SH3YL1: variants seen among roughly 807,000 people sequenced by gnomAD.
The protein encoded by SH3YL1 is SH3 domain-containing YSC84-like protein 1.
Under a neutral mutation model 45.8 loss-of-function variants are expected in SH3YL1, and 41 were observed. That is an observed-to-expected ratio of 0.89 (90% CI 0.70 to 1.16). The LOEUF is 1.16. SH3YL1 is among the 50% of genes most tolerant of loss of function. SH3YL1 has a pLI of 0.00. For missense variants in SH3YL1, 389 were observed against 409.6 expected (o/e 0.95, Z 0.43); for synonymous variants, 152 against 151.4 (o/e 1.00, Z -0.03).
intron 1 of SH3YL1, among the ~76,000 whole-genome samples, chr2:255,341 C>T (rs1389033009): frequency 6.6e-6 from 1 of 152,152 alleles, no homozygotes; most frequent in Admixed American, 6.5e-5. Flanking sequence ...GCTGGGTACT[C>T]CCAGCACTTT....
intron 5 of SH3YL1, 52 bp from the exon 6 acceptor site, chr2:233,281 G>A: frequency 6.9e-7 from 1 of 1,455,226 alleles, no homozygotes; most frequent in African/African-American, 1.4e-5. Context: ...TCCAAGCCGA[G>A]GATCACTATT....
In SH3YL1 at chr2:249,800, T is replaced by C. The variant is rs1378403090; in HGVS notation, c.157A>G (p.Ile53Val). 3.2e-6 allele frequency: 5 copies of C among 1,552,080 alleles called. No homozygotes were observed. The South Asian group carries it at 5.9e-5, about 18-fold the overall frequency. ...GCAGTCACCAGGAACCCGGCTTTGA[T>C]CACAGACAGAATTGCAAGGCCTTTA... The part of the protein sequence containing the change: ...KAKGLAILSV[I>V]KAGFLVTARG... Residue 53 changes from isoleucine (I) to valine (V), a missense_variant, in exon 3 of 10, where the codon ATC becomes GTC. Ile to Val is a conservative substitution (Grantham distance 29). Transcript: ENST00000356150.
At chr2:231,218 A>G (rs531907509) in intron 6 of SH3YL1, 27 bp from the exon 7 acceptor site, 4 of 1,507,512 alleles carry the variant, frequency 2.7e-6, no homozygotes, top group Non-Finnish European at 3.6e-6. Flanking sequence ...AATTAAAAAC[A>G]TTTTAATATA....
upstream of SH3YL1, chr2:264,088 G>A (rs1382449123): frequency 2.2e-6 from 3 of 1,338,860 alleles, no homozygotes; most frequent in Non-Finnish European, 2.9e-6. Context: ...GCGTACCTGC[G>A]GCAGGTGACG....
At chr2:228,970 G>A (rs1352338957) in intron 8 of SH3YL1, among the ~76,000 whole-genome samples, 2 of 152,206 alleles carry the variant, frequency 1.3e-5, no homozygotes, top group African/African-American at 2.4e-5. Context: ...CAGCAGTTAT[G>A]TTTCTACATG....
intron 1 of SH3YL1, chr2:263,586 C>T (rs1247038128): frequency 1.1e-5 from 2 of 187,952 alleles, no homozygotes; most frequent in African/African-American, 4.7e-5. Context: ...CTAGCCAAGG[C>T]CTCCTCCCCG....
chr2:221,429 G>C (rs1181056353), intron 9 of SH3YL1, among the ~76,000 whole-genome samples: 4 of 151,982 alleles, frequency 2.6e-5, no homozygotes, highest in Non-Finnish European at 5.9e-5. Flanking sequence ...AATATATTAT[G>C]AACTAAGAAA....
Position 218,986 on chromosome 2 carries a change from G to C in SH3YL1, c.854C>G (p.Pro285Arg). Reference sequence around the variant, plus strand: ...TGAATACAGCGCTGTCACTTCTATGGGTTGATTCAAATTGCCTGAAACAAG... The same window carrying C: ...TGAATACAGCGCTGTCACTTCTATGCGTTGATTCAAATTGCCTGAAACAAG... The part of the protein sequence containing the change: ...YHERVGNLNQ[P>R]IEVTALYSFE... Residue 285 changes from proline (P) to arginine (R), a missense_variant, in exon 10 of 10, where the codon CCC becomes CGC. Coordinates refer to ENST00000356150, the MANE Select transcript of SH3YL1 (RefSeq NM_015677.4). 1 of 1,606,314 alleles carries C rather than the reference G, an allele frequency of 6.2e-7. No homozygotes were observed. Among genetic ancestry groups the C allele is most frequent in the Non-Finnish European group, 8.5e-7 (1 of 1,176,920 alleles).
intron 9 of SH3YL1, among the ~76,000 whole-genome samples, chr2:223,719 C>T (rs1472568240): frequency 2.0e-5 from 3 of 152,132 alleles, no homozygotes; most frequent in South Asian, 2.1e-4. Flanking sequence ...AAGGGTGAAA[C>T]ACATTTTTAA....
At chr2:244,377 T>C (rs1198138896) in intron 4 of SH3YL1, among the ~76,000 whole-genome samples, 2 of 152,042 alleles carry the variant, frequency 1.3e-5, no homozygotes, top group African/African-American at 2.4e-5. Context: ...GCGCCTGTAG[T>C]CCCAGCTACT....
Position 248,932 on chromosome 2 carries a change from G to A in SH3YL1, c.226+799C>T, listed in dbSNP as rs189015712. ...CTGCGGGGATACCTTGGTAAGAAAT[G>A]GTGAATCTGCTGACTGCTATTTCAA... On this transcript the variant is annotated intron_variant, in intron 3 of 9. Transcript: ENST00000356150. 8.5e-5 allele frequency among the ~76,000 whole-genome samples: 13 copies of A among 152,236 alleles called. 1 individual carries two copies. In the East Asian group the frequency reaches 1.5e-3, roughly 18 times the overall value.
At chr2:241,794 G>C (rs553121737) in intron 4 of SH3YL1, 2 of 152,096 alleles carry the variant, frequency 1.3e-5, no homozygotes, top group East Asian at 1.9e-4. Flanking sequence ...ATCAGCAAAA[G>C]TATATTTCAA....
intron 4 of SH3YL1, chr2:240,395 G>C (rs1255385462): frequency 1.3e-5 from 2 of 152,248 alleles, no homozygotes; most frequent in Non-Finnish European, 2.9e-5. Context: ...TCTCCCCAAG[G>C]GAAGTGAAAG....
intron 4 of SH3YL1, among the ~76,000 whole-genome samples, chr2:242,404 C>T (rs1668582703): frequency 6.6e-6 from 1 of 151,690 alleles, no homozygotes. Flanking sequence ...AAACTAGAAC[C>T]ATATGAGAGT....
intron 4 of SH3YL1, among the ~76,000 whole-genome samples, chr2:238,575 G>A (rs911136481): frequency 1.3e-5 from 2 of 151,858 alleles, no homozygotes; most frequent in Admixed American, 6.6e-5. Flanking sequence ...AAGCCAGACT[G>A]CTCTGGCTTG....
intron 1 of SH3YL1, chr2:255,737 T>C (rs1461434782): frequency 6.6e-6 from 1 of 152,108 alleles, no homozygotes. Flanking sequence ...AGGAAAAAAA[T>C]CCATCCCAAG....
chr2:229,879 G>C, intron 8 of SH3YL1, 87 bp downstream of exon 8: 2 of 1,100,754 alleles, frequency 1.8e-6, no homozygotes, highest in Non-Finnish European at 2.7e-6. Flanking sequence ...TAACTCTAAA[G>C]TTTAACAATG....
chr2:230,076 T>C (rs779820541), intron 7 of SH3YL1, 32 bp from the exon 8 acceptor site: 1 of 1,531,942 alleles, frequency 6.5e-7, no homozygotes, highest in South Asian at 1.2e-5. Context: ...ATACACATAA[T>C]TTTAAAATCT....
rs561960099 is a variant in SH3YL1 at position 251,839 on chromosome 2, A to G, written c.112+1166T>C. ...GATTAAGATTATTAAAACAACAACA[A>G]ATTTTTAAAGCATTAAAGTTCTATT... On this transcript the variant is annotated intron_variant, in intron 2 of 9. Transcript: ENST00000356150. Among the ~76,000 whole-genome samples, 3 of 152,308 alleles carry G rather than the reference A, an allele frequency of 2.0e-5. No homozygotes were observed. The East Asian group carries it at 5.8e-4, about 29-fold the overall frequency.
Sources: allele counts gnomAD v4.1 joint callset (sites outside exome capture counted in the v4.1 genomes callset), GRCh38; gene constraint gnomAD v4.1.1; transcripts MANE v1.5; gene names NCBI Gene and HGNC (gene_info 2026-07-23, HGNC 2026-07-21).